Variants in AP2A2 observed in about 807,000 individuals in gnomAD.
AP2A2 encodes the protein AP-2 complex subunit alpha-2.
Under a neutral mutation model 104.2 loss-of-function variants are expected in AP2A2, and 32 were observed. The observed-to-expected ratio is 0.31, with a 90% CI of 0.23 to 0.41. The LOEUF (loss-of-function observed/expected upper bound fraction) is 0.41. Among genes scored for constraint, AP2A2 ranks in the 10% least tolerant of loss-of-function variants. AP2A2 has a pLI of 1.00. For missense variants in AP2A2, 912 were observed against 1,261.0 expected, an observed-to-expected ratio of 0.72 and a Z score of 4.19; for synonymous variants, 539 against 533.3, an observed-to-expected ratio of 1.01 and a Z score of -0.15.
chr11:941,914 C>T (rs1391705248), intron 1 of AP2A2, among the ~76,000 whole-genome samples: 1 of 150,842 alleles, frequency 6.6e-6, no homozygotes, highest in Admixed American at 6.6e-5. Context: ...GTAGTAATAC[C>T]TGACCTTTTA....
rs111672330 is a variant in AP2A2, at chr11:933,028, G to T, written c.67+6940G>T. Among the ~76,000 whole-genome samples the T allele has an allele frequency of 1.2e-3, 187 of 152,332 alleles. 1 individual carries two copies. The highest frequency in any genetic ancestry group is 4.4e-3 in the African/African-American group (182 of 41,576). ...TTCACGCCTGTAATCCCAGCACTTCGGGAGTCCGAGCCAGGTGGATCACCT... is the reference window on the plus strand; with the variant it reads ...TTCACGCCTGTAATCCCAGCACTTCTGGAGTCCGAGCCAGGTGGATCACCT... On this transcript the variant is annotated intron_variant, in intron 1 of 21. Coordinates refer to ENST00000448903, the MANE Select transcript of AP2A2 (RefSeq NM_012305.4).
rs562832650 is a variant in AP2A2 at position 990,113 on chromosome 11, T to G, written c.1269+1424T>G. ...GGGCTTCAATGCTGAGGGGTGAAAT[T>G]ACCATGGACTGAGCTTCAGTGAGGC... On this transcript the variant is annotated intron_variant, in intron 10 of 21. Transcript: ENST00000448903. Among the ~76,000 whole-genome samples the G allele has an allele frequency of 2.0e-5, 3 of 152,154 alleles. No homozygotes were observed. In the East Asian group the frequency reaches 5.8e-4, roughly 29 times the overall value.
chr11:1,007,860 G>A, intron 17 of AP2A2, 152 bp from the exon 18 acceptor site: 3 of 1,045,570 alleles, frequency 2.9e-6, no homozygotes, highest in Admixed American at 2.1e-5. Flanking sequence ...GGAAGGGCAG[G>A]GCCGGGTGGT....
At chr11:1,004,341 T>C (rs1856129739) in intron 16 of AP2A2, among the ~76,000 whole-genome samples, 1 of 152,096 alleles carries the variant, frequency 6.6e-6, no homozygotes, top group South Asian at 2.1e-4. Flanking sequence ...GGTGTAGTGG[T>C]GTGTGCCTGT....
chr11:929,391 G>A (rs978826485), intron 1 of AP2A2, among the ~76,000 whole-genome samples: 5 of 152,212 alleles, frequency 3.3e-5, no homozygotes, highest in African/African-American at 1.2e-4. Flanking sequence ...TGGCCATGGA[G>A]CCTCAGTTTC....
Position 926,036 on chromosome 11 carries a change from C to T in AP2A2, c.15C>T (p.Ser5=). 9.3e-6 allele frequency: 13 copies of T among 1,397,502 alleles called. No homozygotes were observed. The highest frequency in any genetic ancestry group is 2.7e-5 in the Admixed American group (1 of 36,470). 86.6% of individuals were successfully genotyped at this position (1,397,502 alleles called of 1,614,324 possible). A position where few individuals can be genotyped will look rare whatever the true frequency, so the allele number is the denominator to read the frequency against. MPAV[S]KGDGMRGLAV... ...AGCGTCGGAAGATGCCGGCCGTGTC[C>T]AAGGGGGACGGGATGCGGGGCCTGG... The change falls in exon 1 of 22, where the codon TCC becomes TCT. Residue 5 remains serine (S), a synonymous_variant. Transcript: ENST00000448903.
intron 1 of AP2A2, among the ~76,000 whole-genome samples, chr11:956,523 G>C (rs1854239795): frequency 6.6e-6 from 1 of 152,170 alleles, no homozygotes; most frequent in Non-Finnish European, 1.5e-5. Context: ...ACCTTACCCT[G>C]TGTGATGAAT....
At chr11:1,003,664 C>G in intron 15 of AP2A2, 58 bp from the exon 16 acceptor site, 1 of 1,195,814 alleles carries the variant, frequency 8.4e-7, no homozygotes, top group Non-Finnish European at 1.2e-6. Context: ...CCAGAACAAA[C>G]CCTTGTGTTT....
At chr11:949,862 T>C (rs1199450004) in intron 1 of AP2A2, among the ~76,000 whole-genome samples, 2 of 151,110 alleles carry the variant, frequency 1.3e-5, no homozygotes, top group Admixed American at 6.6e-5. Context: ...CATCTGAAAA[T>C]CAATCCATGT....
At chr11:936,978 T>C (rs1407387804) in intron 1 of AP2A2, among the ~76,000 whole-genome samples, 3 of 152,130 alleles carry the variant, frequency 2.0e-5, no homozygotes, top group Non-Finnish European at 4.4e-5. Context: ...TTCCTGAGAC[T>C]CTTCCCTCTG....
chr11:969,086 CAG>C (rs1236170469), intron 2 of AP2A2, among the ~76,000 whole-genome samples: 4 of 152,126 alleles, frequency 2.6e-5, no homozygotes, highest in Non-Finnish European at 1.5e-5. Context: ...GCTGTGGCAG[CAG>C]AGTCTCTGTG....
chr11:926,496 C>T (rs1853126080), intron 1 of AP2A2, among the ~76,000 whole-genome samples: 1 of 152,086 alleles, frequency 6.6e-6, no homozygotes, highest in Non-Finnish European at 1.5e-5. Context: ...GCGGCACCAC[C>T]AAGGGGGTTC....
chr11:980,930 C>A (rs767636203), intron 5 of AP2A2, among the ~76,000 whole-genome samples: 1 of 152,244 alleles, frequency 6.6e-6, no homozygotes, highest in Non-Finnish European at 1.5e-5. Context: ...ACCTGCATGG[C>A]TGGACGTGGC....
Position 1,008,073 on chromosome 11 carries a change from G to C in AP2A2, c.2358G>C (p.Gln786His). The C allele has an allele frequency of 6.3e-7, 1 of 1,599,750 alleles. No individual in the cohort carries two copies. Among genetic ancestry groups the C allele is most frequent in the South Asian group, 1.1e-5 (1 of 88,628 alleles). Residue 786 changes from glutamine to histidine, a missense_variant, in exon 18 of 22, where the codon CAG (glutamine) becomes CAC (histidine). Gln to His is a conservative substitution (Grantham distance 24). Transcript: ENST00000448903. ...PTVEGGAQVQQVVNIECVSDF... is the reference protein window; with the variant it reads ...PTVEGGAQVQHVVNIECVSDF... Reference sequence around the variant, plus strand: ...TGGAGGGGGGCGCGCAGGTGCAGCAGGTGGTCAACATAGAGTGCGTGTCCG... The same window carrying C: ...TGGAGGGGGGCGCGCAGGTGCAGCACGTGGTCAACATAGAGTGCGTGTCCG...
chr11:1,004,045 T>C (rs969207460), intron 16 of AP2A2, among the ~76,000 whole-genome samples: 3 of 151,914 alleles, frequency 2.0e-5, no homozygotes, highest in Admixed American at 2.0e-4. Context: ...TGCAAAGTTG[T>C]TGAAAAGACG....
intron 14 of AP2A2, 44 bp from the exon 15 acceptor site, chr11:1,000,388 G>T: frequency 6.5e-7 from 1 of 1,538,706 alleles, no homozygotes. Context: ...GGTTGGCCAG[G>T]CCAGGGAGGC....
intron 6 of AP2A2, among the ~76,000 whole-genome samples, chr11:983,598 T>A (rs550355977): frequency 6.6e-6 from 1 of 151,960 alleles, no homozygotes; most frequent in African/African-American, 2.4e-5. Context: ...TTAGCCAGGA[T>A]GGTCTCGATC....
intron 1 of AP2A2, among the ~76,000 whole-genome samples, chr11:944,262 T>C (rs1322289608): frequency 1.3e-5 from 2 of 152,218 alleles, no homozygotes; most frequent in Non-Finnish European, 2.9e-5. Context: ...GCTCAGAAGC[T>C]CTTGGGACAG....
At chr11:951,347 T>C (rs1014388276) in intron 1 of AP2A2, among the ~76,000 whole-genome samples, 5 of 151,966 alleles carry the variant, frequency 3.3e-5, no homozygotes, top group African/African-American at 4.8e-5. Flanking sequence ...ACCAATATGG[T>C]GAAACCCCAC....
Sources: allele counts gnomAD v4.1 joint callset (sites outside exome capture counted in the v4.1 genomes callset), GRCh38; gene constraint gnomAD v4.1.1; transcripts MANE v1.5; gene names NCBI Gene and HGNC (gene_info 2026-07-23, HGNC 2026-07-21).